Variants in SEMA3A observed in about 807,000 individuals in gnomAD.
SEMA3A encodes semaphorin 3A.
A neutral mutation model predicts 97.9 loss-of-function variants in SEMA3A; 29 were observed. That is an observed-to-expected ratio of 0.30 (90% CI 0.22 to 0.40). The LOEUF (loss-of-function observed/expected upper bound fraction) is 0.40. Among genes scored for constraint, SEMA3A ranks in the 10% least tolerant of loss-of-function variants. The pLI is 1.00. For missense variants in SEMA3A, 763 were observed against 951.3 expected, an observed-to-expected ratio of 0.80 and a Z score of 2.60; for synonymous variants, 321 against 323.7, an observed-to-expected ratio of 0.99 and a Z score of 0.09.
chr7:84,424,910 AAT>A (rs375982304), intron 1 of SEMA3A, among the ~76,000 whole-genome samples: 4,931 of 97,876 alleles, frequency 0.05, 128 homozygotes, highest in Non-Finnish European at 0.063. Flanking sequence ...TATAAACATA[AAT>A]ATATATATAT....
chr7:84,337,342 C>T (rs550997819), intron 2 of SEMA3A, among the ~76,000 whole-genome samples: 180 of 152,032 alleles, frequency 1.2e-3, no homozygotes, highest in Middle Eastern at 3.4e-3. Context: ...CATAAATGCA[C>T]AAAAAATGCA....
At chr7:84,248,020 TG>T (rs1193860589) in intron 3 of SEMA3A, among the ~76,000 whole-genome samples, 1 of 152,228 alleles carries the variant, frequency 6.6e-6, no homozygotes, top group African/African-American at 2.4e-5. Flanking sequence ...TGCTTTGTGT[TG>T]GGCAGTATAA....
chr7:84,340,696 C>T (rs1802142959), intron 2 of SEMA3A, among the ~76,000 whole-genome samples: 1 of 150,306 alleles, frequency 6.7e-6, no homozygotes, highest in Admixed American at 6.7e-5. Flanking sequence ...AGGAGAATGG[C>T]TTGAACCCAG....
At chr7:84,313,162 G>A (rs2115873592) in intron 2 of SEMA3A, among the ~76,000 whole-genome samples, 1 of 144,598 alleles carries the variant, frequency 6.9e-6, no homozygotes, top group South Asian at 2.1e-4. Flanking sequence ...ATAACATAGT[G>A]AAATTATTGG....
chr7:84,112,831 T>C (rs2115950186), intron 3 of SEMA3A, among the ~76,000 whole-genome samples: 1 of 152,320 alleles, frequency 6.6e-6, no homozygotes, highest in African/African-American at 2.4e-5. Flanking sequence ...ATGACAACAA[T>C]TCCCCTACAG....
At chr7:84,383,079 T>A (rs1382691967) in intron 1 of SEMA3A, among the ~76,000 whole-genome samples, 1 of 152,120 alleles carries the variant, frequency 6.6e-6, no homozygotes, top group African/African-American at 2.4e-5. Flanking sequence ...AAAAATTCTC[T>A]CTAAAGTTTT....
chr7:84,208,889 A>C (rs1415334230), intron 3 of SEMA3A, among the ~76,000 whole-genome samples: 1 of 152,228 alleles, frequency 6.6e-6, no homozygotes, highest in Non-Finnish European at 1.5e-5. Flanking sequence ...AAAGGTAAAC[A>C]CTATCACCTG....
chr7:84,224,962 T>A (rs1421584279), intron 3 of SEMA3A, among the ~76,000 whole-genome samples: 1 of 151,728 alleles, frequency 6.6e-6, no homozygotes, highest in African/African-American at 2.4e-5. Flanking sequence ...TAGCCCCCCC[T>A]AGTATATGTA....
intron 1 of SEMA3A, among the ~76,000 whole-genome samples, chr7:84,381,240 G>C (rs986295376): frequency 1.3e-5 from 2 of 152,230 alleles, no homozygotes; most frequent in Non-Finnish European, 2.9e-5. Flanking sequence ...ATGGTGGGGA[G>C]AAAAATAAAG....
chr7:84,450,903 A>AT (rs1208740734), intron 1 of SEMA3A, among the ~76,000 whole-genome samples: 1 of 152,224 alleles, frequency 6.6e-6, no homozygotes, highest in African/African-American at 2.4e-5. Context: ...ATGTTTTCAT[A>AT]TTAACCCCTT....
At chr7:84,336,788 G>T (rs536150329) in intron 2 of SEMA3A, among the ~76,000 whole-genome samples, 1 of 152,124 alleles carries the variant, frequency 6.6e-6, no homozygotes, top group African/African-American at 2.4e-5. Flanking sequence ...ATGCATACAC[G>T]TACACTTTAC....
chr7:84,046,310 C>T lies in SEMA3A; in HGVS notation c.667+14G>A. On this transcript the variant is annotated intron_variant, in intron 6 of 16. Coordinates refer to ENST00000265362, the MANE Select transcript of SEMA3A (RefSeq NM_006080.3). The stretch of plus-strand genomic sequence containing the variant: ...CACATGTTACATGTCTATGTTCTTT[C>T]ATAAACCACCTACCATTGAGCCACC... 1 of 1,612,036 alleles carries T rather than the reference C, an allele frequency of 6.2e-7. No homozygotes were observed. Among genetic ancestry groups the T allele is most frequent in the Admixed American group, 1.7e-5 (1 of 59,704 alleles).
chr7:84,400,876 C>A, intron 1 of SEMA3A, among the ~76,000 whole-genome samples: 1 of 152,110 alleles, frequency 6.6e-6, no homozygotes, highest in East Asian at 1.9e-4. Context: ...TACCTCAAAT[C>A]AATATAGGTC....
upstream of SEMA3A, among the ~76,000 whole-genome samples, chr7:84,196,630 T>C (rs1410382918): frequency 7.9e-5 from 12 of 152,222 alleles, no homozygotes; most frequent in Non-Finnish European, 2.9e-5. Flanking sequence ...ACACTTGTTA[T>C]ACTAGGCACT....
At chr7:84,082,789 A>G (rs1794205632) in intron 4 of SEMA3A, among the ~76,000 whole-genome samples, 1 of 151,976 alleles carries the variant, frequency 6.6e-6, no homozygotes, top group African/African-American at 2.4e-5. Flanking sequence ...AAAAGTAGAA[A>G]AACTACATTT....
At chr7:84,457,618 A>G (rs563202750) in intron 1 of SEMA3A, among the ~76,000 whole-genome samples, 20 of 152,140 alleles carry the variant, frequency 1.3e-4, no homozygotes, top group African/African-American at 1.9e-4. Flanking sequence ...CAGATTAAAA[A>G]ACATAATATC....
At chr7:84,242,659 T>G (rs1225282140) in intron 3 of SEMA3A, among the ~76,000 whole-genome samples, 1 of 152,194 alleles carries the variant, frequency 6.6e-6, no homozygotes, top group Non-Finnish European at 1.5e-5. Context: ...TGGCCAGAAC[T>G]TCCAGTACTA....
At chr7:84,102,434 C>G (rs1489599906) in intron 4 of SEMA3A, among the ~76,000 whole-genome samples, 1 of 151,912 alleles carries the variant, frequency 6.6e-6, no homozygotes, top group Non-Finnish European at 1.5e-5. Context: ...AGACATTAAT[C>G]CAGTAAGGAA....
intron 6 of SEMA3A, among the ~76,000 whole-genome samples, chr7:84,015,054 C>A (rs1435913110): frequency 6.6e-6 from 1 of 152,156 alleles, no homozygotes; most frequent in Admixed American, 6.5e-5. Context: ...ACCTTACCAA[C>A]CCTTGTCTCC....
Sources: gnomAD v4.1 joint callset for allele counts (sites outside exome capture counted in the v4.1 genomes callset) on GRCh38, gnomAD v4.1.1 for gene constraint, MANE v1.5 for transcripts, NCBI Gene and HGNC (gene_info 2026-07-23, HGNC 2026-07-21) for gene names.